The following TXNDC16 variants were observed in gnomAD, a reference collection of about 807,000 sequenced individuals.
TXNDC16 encodes the protein thioredoxin domain containing 16.
In TXNDC16, 74 loss-of-function variants were observed where a neutral mutation model predicts 85.6. The observed-to-expected ratio is 0.86, with a 90% CI of 0.72 to 1.05. TXNDC16 has a LOEUF of 1.05. TXNDC16 is among the 50% of genes least tolerant of loss of function. The probability of loss-of-function intolerance (pLI) is 0.00; values close to 1 mark genes in which losing one functional copy is unlikely to be tolerated. For missense variants in TXNDC16, 959 were observed against 947.0 expected (o/e 1.01, Z -0.17); for synonymous variants, 335 against 326.5 (o/e 1.03, Z -0.28).
At position 52,543,397 on chromosome 14, in the gene TXNDC16, C is replaced by A. The variant is rs1270863094; in HGVS notation, c.160+1G>T. 6.2e-7 allele frequency: 1 copy of A among 1,601,638 alleles called. No individual in the cohort carries two copies. The highest frequency in any genetic ancestry group is 1.4e-5 in the African/African-American group (1 of 74,044). ...CATATTAGAATTTTAAAAATACTTA[C>A]CAGCTTGACAAAAATAAGCTAAAGA... On this transcript the variant is annotated splice_donor_variant, in intron 3 of 20. Transcript: ENST00000281741. LOFTEE classifies it high-confidence loss of function.
chr14:52,491,340 C>G (rs1159688478), intron 9 of TXNDC16, among the ~76,000 whole-genome samples: 1 of 146,978 alleles, frequency 6.8e-6, no homozygotes, highest in Admixed American at 6.9e-5. Flanking sequence ...CACCACCATG[C>G]CTAGCTTTTT....
chr14:52,548,705 A>T (rs1238495400), intron 1 of TXNDC16, among the ~76,000 whole-genome samples: 4 of 152,008 alleles, frequency 2.6e-5, no homozygotes, highest in Admixed American at 2.6e-4. Context: ...AACATGATGA[A>T]ACCTGTCTCT....
intron 8 of TXNDC16, among the ~76,000 whole-genome samples, chr14:52,511,781 G>A (rs182281799): frequency 1.6e-4 from 25 of 152,118 alleles, no homozygotes; most frequent in Non-Finnish European, 2.6e-4. Context: ...GCTTTGTAAC[G>A]CAAATTTTCT....
intron 7 of TXNDC16, among the ~76,000 whole-genome samples, chr14:52,518,416 A>C (rs2037134735): frequency 6.6e-6 from 1 of 152,170 alleles, no homozygotes; most frequent in African/African-American, 2.4e-5. Context: ...AGTCTTCTGA[A>C]CCTCAGTTGC....
At chr14:52,529,701 ATATATATAATGCCTATTATATATAT>A (rs1594756425) in intron 6 of TXNDC16, among the ~76,000 whole-genome samples, 4 of 39,218 alleles carry the variant, frequency 1.0e-4, no homozygotes, top group African/African-American at 1.7e-4. Flanking sequence ...ATTATATATA[ATATATATAATGCCTATTATATATAT>A]TATATATAAT....
intron 9 of TXNDC16, among the ~76,000 whole-genome samples, chr14:52,492,332 A>G (rs759680932): frequency 2.0e-5 from 3 of 152,132 alleles, no homozygotes; most frequent in Admixed American, 2.0e-4. Context: ...AGATACTGAC[A>G]TTGGGATTCG....
At chr14:52,492,093 A>C (rs574940787) in intron 9 of TXNDC16, among the ~76,000 whole-genome samples, 1 of 151,978 alleles carries the variant, frequency 6.6e-6, no homozygotes, top group Non-Finnish European at 1.5e-5. Flanking sequence ...CCCCTCCCCA[A>C]CTCTATGAGT....
rs72684233 is a variant in TXNDC16 at position 52,461,674 on chromosome 14, T to A, written c.1619-4500A>T. Among the ~76,000 whole-genome samples, 1,248 of 152,266 alleles carry A rather than the reference T, an allele frequency of 8.2e-3. 9 individuals are homozygous for A. Among genetic ancestry groups the A allele is most frequent in the Non-Finnish European group, 0.014 (933 of 68,036 alleles). ...AGCTGTGAAGAGGATGTCTGGTGGA[T>A]CTGACCACTCCCAGCATGGCCATGA... On this transcript the variant is annotated intron_variant, in intron 16 of 20. Coordinates refer to ENST00000281741, the MANE Select transcript of TXNDC16 (RefSeq NM_020784.3).
At chr14:52,493,216 T>TATATATATATATATATATATATATAC in intron 9 of TXNDC16, among the ~76,000 whole-genome samples, 6 of 115,932 alleles carry the variant, frequency 5.2e-5, no homozygotes, top group African/African-American at 2.1e-4. Context: ...TATATATATA[T>TATATATATATATATATATATATATAC]ACACACACAC....
intron 9 of TXNDC16, among the ~76,000 whole-genome samples, chr14:52,508,494 G>A (rs1300172704): frequency 6.6e-6 from 1 of 152,192 alleles, no homozygotes; most frequent in Non-Finnish European, 1.5e-5. Context: ...CAACCATTGT[G>A]GAAGTCAGTG....
chr14:52,542,286 G>T, intron 4 of TXNDC16, 85 bp downstream of exon 4: 2 of 823,674 alleles, frequency 2.4e-6, no homozygotes, highest in South Asian at 1.8e-5. Context: ...ATATGAAATG[G>T]AAGTATTTTA....
intron 16 of TXNDC16, among the ~76,000 whole-genome samples, chr14:52,467,550 A>C (rs557393322): frequency 2.0e-5 from 3 of 152,286 alleles, no homozygotes; most frequent in South Asian, 2.1e-4. Context: ...ACAAGATATC[A>C]CCTCACACCC....
chr14:52,509,164 T>TA (rs2036892673), intron 9 of TXNDC16, among the ~76,000 whole-genome samples: 1 of 151,224 alleles, frequency 6.6e-6, no homozygotes, highest in South Asian at 2.1e-4. Flanking sequence ...AGTTTTGAAA[T>TA]ACAGCAAAAA....
chr14:52,526,318 TAG>T (rs1491391291), intron 6 of TXNDC16, among the ~76,000 whole-genome samples: 1 of 152,204 alleles, frequency 6.6e-6, no homozygotes, highest in African/African-American at 2.4e-5. Context: ...CCAAAAAAGT[TAG>T]AGTCTACTTC....
chr14:52,503,368 G>C (rs2036709413), intron 9 of TXNDC16, among the ~76,000 whole-genome samples: 1 of 152,196 alleles, frequency 6.6e-6, no homozygotes, highest in Non-Finnish European at 1.5e-5. Flanking sequence ...ACTCCTCTGA[G>C]ACAAAACTTC....
intron 1 of TXNDC16, among the ~76,000 whole-genome samples, chr14:52,550,752 G>C (rs1201065235): frequency 6.6e-6 from 1 of 152,222 alleles, no homozygotes; most frequent in Non-Finnish European, 1.5e-5. Context: ...CCATGGCAGA[G>C]AATATGTGGC....
At chr14:52,542,833 G>T (rs1047517568) in intron 3 of TXNDC16, among the ~76,000 whole-genome samples, 1 of 152,014 alleles carries the variant, frequency 6.6e-6, no homozygotes, top group East Asian at 1.9e-4. Flanking sequence ...TATAATAAGG[G>T]AGCCAACAGA....
intron 18 of TXNDC16, among the ~76,000 whole-genome samples, chr14:52,453,771 C>G (rs959263915): frequency 4.6e-5 from 7 of 152,094 alleles, no homozygotes; most frequent in Non-Finnish European, 1.0e-4. Flanking sequence ...AAACCCAGTA[C>G]AGCCTCTGGT....
At chr14:52,533,770 C>G (rs1216216501) in intron 6 of TXNDC16, among the ~76,000 whole-genome samples, 1 of 152,056 alleles carries the variant, frequency 6.6e-6, no homozygotes, top group African/African-American at 2.4e-5. Context: ...AACAACAGGC[C>G]CCACTTCTTT....
Sources: gnomAD v4.1 joint callset for allele counts (sites outside exome capture counted in the v4.1 genomes callset) on GRCh38, gnomAD v4.1.1 for gene constraint, MANE v1.5 for transcripts, NCBI Gene and HGNC (gene_info 2026-07-23, HGNC 2026-07-21) for gene names.